COL6A3: variants seen among roughly 807,000 people sequenced by gnomAD.
COL6A3 encodes the protein collagen alpha-3(VI) chain.
In COL6A3, 137 loss-of-function variants were observed where a neutral mutation model predicts 274.1. The observed-to-expected ratio is 0.50, with a 90% CI of 0.44 to 0.58. The LOEUF is 0.58. Ranked by LOEUF, COL6A3 falls within the 20% of genes least tolerant of loss-of-function variation. The pLI is 0.00. For synonymous variants in COL6A3, 1,650 were observed against 1,650.6 expected, an observed-to-expected ratio of 1.00 and a Z score of 0.01; for missense variants, 3,950 against 4,124.9, an observed-to-expected ratio of 0.96 and a Z score of 1.16.
rs2076933467 is a variant in COL6A3, at chr2:237,339,192, G to C, written c.8465-75C>G. ...AAAATTAAAATTAATCTGTCAACAA[G>C]TTAAATGAATCACATAACATTTATT... On this transcript the variant is annotated intron_variant, in intron 38 of 43. Transcript: ENST00000295550. The C allele has an allele frequency of 7.7e-6, 8 of 1,039,560 alleles. 1 individual carries two copies. The South Asian group carries it at 7.9e-5, about 10-fold the overall frequency. 64.4% of individuals were successfully genotyped at this position (1,039,560 alleles called of 1,614,324 possible).
rs747811538 is a variant in COL6A3 at position 237,365,812 on chromosome 2, T to C, written c.5724A>G (p.Pro1908=). 10 of 1,614,166 alleles carry C rather than the reference T, an allele frequency of 6.2e-6. 1 individual carries two copies. The highest frequency in any genetic ancestry group is 8.5e-6 in the Non-Finnish European group (10 of 1,180,020). Residue 1908 remains proline (P), a synonymous_variant, in exon 12 of 44, where the codon CCA becomes CCG. Transcript: ENST00000295550. ...TGTTCCGGAACTTCTCGAGCATCTCTGGCTGGTACTCGTCAAAGTCAAAGG... is the reference window on the plus strand; with the variant it reads ...TGTTCCGGAACTTCTCGAGCATCTCCGGCTGGTACTCGTCAAAGTCAAAGG... The part of the protein sequence containing the change: ...VEAFDFDEYQ[P]EMLEKFRNMR...
rs751388256 is a variant in COL6A3, at chr2:237,345,156, G to A, written c.7125+25C>T. On this transcript the variant is annotated intron_variant, in intron 33 of 43. Coordinates refer to ENST00000295550, the MANE Select transcript of COL6A3 (RefSeq NM_004369.4). ...AATCAAAGGCTCATGAGGTTAATGAGTCATTCTGGACACATGCAACTTACA... is the reference window on the plus strand; with the variant it reads ...AATCAAAGGCTCATGAGGTTAATGAATCATTCTGGACACATGCAACTTACA... The A allele has an allele frequency of 4.2e-5, 67 of 1,614,054 alleles. No homozygotes were observed. The Admixed American group carries it at 1.0e-3, about 25-fold the overall frequency.
At chr2:237,398,159 A>C (rs559319642) in intron 1 of COL6A3, among the ~76,000 whole-genome samples, 4 of 152,230 alleles carry the variant, frequency 2.6e-5, no homozygotes, top group Non-Finnish European at 5.9e-5. Context: ...AATATTTAGC[A>C]CTTTTCCTCC....
At position 237,369,160 on chromosome 2, in the gene COL6A3, C is replaced by T. The variant is rs762653493; in HGVS notation, c.4303G>A (p.Ala1435Thr). 1.9e-6 allele frequency: 3 copies of T among 1,611,978 alleles called. No individual in the cohort carries two copies. The highest frequency in any genetic ancestry group is 2.5e-6 in the Non-Finnish European group (3 of 1,180,024). The change falls in exon 10 of 44, where the codon GCA (alanine) becomes ACA (threonine). Residue 1435 changes from alanine to threonine, a missense_variant. By Grantham distance (58) the Ala-to-Thr change is moderately conservative. Coordinates refer to ENST00000295550, the MANE Select transcript of COL6A3 (RefSeq NM_004369.4). ...YPPPAVESDA[A>T]DIVFLIDSSE... ...CTGTCGATCAGAAAGACAATGTCTG[C>T]AGCATCACTCTCAACTGCTGCAGAT...
At chr2:237,408,550 G>C (rs2078776867) in intron 1 of COL6A3, among the ~76,000 whole-genome samples, 1 of 152,206 alleles carries the variant, frequency 6.6e-6, no homozygotes, top group Non-Finnish European at 1.5e-5. Flanking sequence ...GGTTTCCCTT[G>C]AGATCTGAGT....
rs199998363 is a variant in COL6A3 at position 237,374,590 on chromosome 2, G to A, written c.3501C>T (p.Ile1167=). The stretch of plus-strand genomic sequence containing the variant: ...GCATCTCTGTGATGTCAGCGTTCCC[G>A]ATGCCAATGCCAATGGGCACAGCCC... ...RGGAVPIGIG[I]GNADITEMQT... The change falls in exon 8 of 44, where the codon ATC becomes ATT. Residue 1167 remains isoleucine (I), a synonymous_variant. Transcript: ENST00000295550. This position sits in a 1 kb window ranked among gnomAD's most constrained non-coding sequence, Gnocchi z 4.8. 7.9e-5 allele frequency: 127 copies of A among 1,614,090 alleles called. No individual in the cohort carries two copies. Among genetic ancestry groups the A allele is most frequent in the South Asian group, 9.9e-5 (9 of 91,086 alleles).
At chr2:237,409,713 T>C (rs993283983) in intron 1 of COL6A3, among the ~76,000 whole-genome samples, 2 of 152,212 alleles carry the variant, frequency 1.3e-5, no homozygotes, top group Non-Finnish European at 2.9e-5. Flanking sequence ...TTTAAAAGTA[T>C]GTTAAAACCC....
At chr2:237,359,518 G>C (rs2077389687) in intron 17 of COL6A3, 130 bp from the exon 18 acceptor site, 2 of 962,642 alleles carry the variant, frequency 2.1e-6, no homozygotes, top group Non-Finnish European at 3.4e-6. Context: ...TGTAATATTA[G>C]AGTCCTACCC....
intron 30 of COL6A3, among the ~76,000 whole-genome samples, 192 bp downstream of exon 30, chr2:237,348,157 C>A (rs2077132946): frequency 6.6e-6 from 1 of 152,258 alleles, no homozygotes; most frequent in Admixed American, 6.5e-5. Flanking sequence ...AACACCAGGA[C>A]AAGTACGTAT....
intron 1 of COL6A3, among the ~76,000 whole-genome samples, chr2:237,412,530 C>T (rs2078882204): frequency 6.6e-6 from 1 of 152,230 alleles, no homozygotes; most frequent in Non-Finnish European, 1.5e-5. Flanking sequence ...TTTTGAAAAC[C>T]AGGAAACTAC....
At position 237,375,035 on chromosome 2, in the gene COL6A3, G is replaced by A. The variant is rs2077800067; in HGVS notation, c.3071-15C>T. ...TTCACCTGAAACTGGGAGGAGGACA[G>A]CCTGGTAACTCACACAGGACATCAG... On this transcript the variant is annotated splice_polypyrimidine_tract_variant and intron_variant, in intron 7 of 43. Transcript: ENST00000295550. 2.5e-6 allele frequency: 4 copies of A among 1,612,768 alleles called. No individual in the cohort carries two copies. The highest frequency in any genetic ancestry group is 1.7e-5 in the Admixed American group (1 of 60,010).
chr2:237,370,990 G>A (rs1220128705), intron 9 of COL6A3, among the ~76,000 whole-genome samples: 1 of 152,224 alleles, frequency 6.6e-6, no homozygotes, highest in African/African-American at 2.4e-5. Context: ...CCCTGTCCTG[G>A]TTAATAAGAG....
intron 1 of COL6A3, among the ~76,000 whole-genome samples, chr2:237,400,943 A>T (rs1005941702): frequency 6.6e-6 from 1 of 152,236 alleles, no homozygotes; most frequent in Non-Finnish European, 1.5e-5. Context: ...AAACCAATCA[A>T]TGTGATACAC....
chr2:237,351,433 C>A (rs546669733), intron 26 of COL6A3, among the ~76,000 whole-genome samples: 10 of 152,238 alleles, frequency 6.6e-5, no homozygotes, highest in Non-Finnish European at 1.2e-4. Flanking sequence ...CCAGTTTTCA[C>A]AAATTAATGC....
At chr2:237,328,522 G>T (rs1043182266) in intron 42 of COL6A3, 3 of 152,156 alleles carry the variant, frequency 2.0e-5, no homozygotes, top group African/African-American at 7.2e-5. Context: ...CTATGCATCG[G>T]GTCACTATTG....
At chr2:237,391,959 T>C (rs899134175) in intron 3 of COL6A3, among the ~76,000 whole-genome samples, 6 of 152,172 alleles carry the variant, frequency 3.9e-5, no homozygotes, top group African/African-American at 1.4e-4. Context: ...ACCTGAGTGT[T>C]TGGTTTGGGG....
At chr2:237,329,667 A>C (rs1323879503) in intron 42 of COL6A3, 8 of 152,208 alleles carry the variant, frequency 5.3e-5, no homozygotes, top group African/African-American at 1.9e-4. Context: ...AATTGATGAT[A>C]TATATTCACA....
Position 237,379,213 on chromosome 2 carries a change from G to T in COL6A3, c.1920C>A (p.Ile640=), listed in dbSNP as rs988504831. ...TGGCTGATCCATCCAAAAGAAAGATGATATCCCTTTTGTTTGAGTGAACTG... is the reference window on the plus strand; with the variant it reads ...TGGCTGATCCATCCAAAAGAAAGATTATATCCCTTTTGTTTGAGTGAACTG... ...TPEVHSNKRD[I]IFLLDGSANV... Residue 640 remains isoleucine (I), a synonymous_variant, in exon 6 of 44, where the codon ATC becomes ATA. Transcript: ENST00000295550. The T allele has an allele frequency of 1.9e-6, 3 of 1,614,028 alleles. No individual in the cohort carries two copies. The African/African-American group carries it at 4.0e-5, about 22-fold the overall frequency.
At chr2:237,387,467 G>A in intron 4 of COL6A3, 115 bp downstream of exon 4, 5 of 1,488,532 alleles carry the variant, frequency 3.4e-6, no homozygotes, top group Non-Finnish European at 4.6e-6. Flanking sequence ...GGACTGGACT[G>A]TGGGTACTTA....
Sources: gnomAD v4.1 joint callset for allele counts (sites outside exome capture counted in the v4.1 genomes callset) on GRCh38, gnomAD v4.1.1 for gene constraint, Gnocchi (gnomAD v3.1) non-coding constraint, MANE v1.5 for transcripts, NCBI Gene and HGNC (gene_info 2026-07-23, HGNC 2026-07-21) for gene names.